Variants in SIPA1L3 observed in about 807,000 individuals in gnomAD.
SIPA1L3 encodes signal-induced proliferation-associated 1-like protein 3.
Under a neutral mutation model 150.1 loss-of-function variants are expected in SIPA1L3, and 59 were observed. The ratio of observed to expected loss-of-function variants is 0.39; its 90% CI spans 0.32 to 0.49. The LOEUF (loss-of-function observed/expected upper bound fraction) is 0.49. Ranked by LOEUF, SIPA1L3 falls within the 20% of genes least tolerant of loss-of-function variation. The pLI is 0.86. For missense variants in SIPA1L3, 2,211 were observed against 2,489.5 expected (o/e 0.89, Z 2.38); for synonymous variants, 1,070 against 1,077.6 (o/e 0.99, Z 0.14).
chr19:38,112,097 C>CATGCACACACA (rs1970773978), intron 8 of SIPA1L3, among the ~76,000 whole-genome samples: 6 of 147,818 alleles, frequency 4.1e-5, no homozygotes, highest in East Asian at 2.0e-4. Context: ...ATGCACACAC[C>CATGCACACACA]TACATGCACA....
At chr19:38,177,172 T>C (rs546865645) in intron 15 of SIPA1L3, among the ~76,000 whole-genome samples, 36 of 151,674 alleles carry the variant, frequency 2.4e-4, no homozygotes, top group South Asian at 2.3e-3. Context: ...CCACCCTGGC[T>C]AACACGGTGA....
intron 1 of SIPA1L3, among the ~76,000 whole-genome samples, chr19:37,970,157 A>C (rs7257838): frequency 0.053 from 8,083 of 152,268 alleles, 256 homozygotes; most frequent in East Asian, 0.11. Context: ...GTCTGGCCGG[A>C]AGTTTTTAAA....
intron 1 of SIPA1L3, among the ~76,000 whole-genome samples, chr19:37,914,055 C>G (rs1308256790): frequency 2.7e-5 from 4 of 149,578 alleles, no homozygotes; most frequent in Non-Finnish European, 5.9e-5. Context: ...AATCCTGATC[C>G]TGCCTCTTCA....
chr19:38,077,596 C>T (rs995356847), intron 2 of SIPA1L3, among the ~76,000 whole-genome samples: 2 of 151,242 alleles, frequency 1.3e-5, no homozygotes, highest in Admixed American at 6.6e-5. Flanking sequence ...GAAAATTCTT[C>T]CGATCATCTC....
chr19:38,100,629 C>T (rs908012052), intron 5 of SIPA1L3, among the ~76,000 whole-genome samples: 3 of 152,152 alleles, frequency 2.0e-5, no homozygotes, highest in African/African-American at 4.8e-5. Flanking sequence ...TCCGGGATAC[C>T]TAAAGCAAAC....
At position 38,082,156 on chromosome 19, in the gene SIPA1L3, C is replaced by T. The variant is rs929991091; in HGVS notation, c.591C>T (p.Pro197=). ...GGGCCCGGCACACGGGGGCGCTGCCCCTCTTCCGCGAGTACGGGAGCACCT... is the reference window on the plus strand; with the variant it reads ...GGGCCCGGCACACGGGGGCGCTGCCTCTCTTCCGCGAGTACGGGAGCACCT... ...PRGARHTGAL[P]LFREYGSTSS... Residue 197 remains proline, a synonymous_variant, in exon 3 of 22, where the codon CCC becomes CCT. Coordinates refer to ENST00000222345, the MANE Select transcript of SIPA1L3 (RefSeq NM_015073.3). 8.1e-6 allele frequency: 13 copies of T among 1,605,584 alleles called. No homozygotes were observed. The highest frequency in any genetic ancestry group is 1.1e-5 in the Non-Finnish European group (13 of 1,179,626).
intron 2 of SIPA1L3, among the ~76,000 whole-genome samples, chr19:38,073,656 C>G (rs978309708): frequency 6.6e-6 from 1 of 152,168 alleles, no homozygotes; most frequent in African/African-American, 2.4e-5. Flanking sequence ...AGAATGAACA[C>G]GAGGCCAGAG....
rs548117188 is a variant in SIPA1L3 at position 37,976,613 on chromosome 19, C to T, written c.-378-52476C>T. Among the ~76,000 whole-genome samples the T allele has an allele frequency of 1.2e-4, 19 of 152,040 alleles. 1 individual carries two copies. Among genetic ancestry groups the T allele is most frequent in the Non-Finnish European group, 2.2e-4 (15 of 67,986 alleles). On this transcript the variant is annotated intron_variant, in intron 1 of 21. Transcript: ENST00000222345. ...ATTGAAGAGCTTAGACACTGCAGCC[C>T]GCCTCCTGGGTGAGAATCCCAACCT...
intron 1 of SIPA1L3, among the ~76,000 whole-genome samples, chr19:37,965,317 G>GTTTTTTTTTTTTTTTT (rs566071263): frequency 1.5e-5 from 2 of 133,698 alleles, no homozygotes; most frequent in African/African-American, 5.5e-5. Context: ...TATATTTCTA[G>GTTTTTTTTTTTTTTTT]TTTTTTTTTT....
intron 10 of SIPA1L3, among the ~76,000 whole-genome samples, chr19:38,140,410 T>C (rs1971549187): frequency 1.3e-5 from 2 of 152,218 alleles, no homozygotes; most frequent in South Asian, 4.1e-4. Flanking sequence ...TTTTTTTTTT[T>C]TTTAACCACC....
chr19:38,046,583 A>C lies in SIPA1L3; in HGVS notation c.-311+17427A>C, dbSNP rs766351455. The stretch of plus-strand genomic sequence containing the variant: ...GCATGGCACAGGAAATGACTCCTTC[A>C]TAGGCTGAGAGTTTTGGGAGGCCCT... On this transcript the variant is annotated intron_variant, in intron 2 of 21. Coordinates refer to ENST00000222345, the MANE Select transcript of SIPA1L3 (RefSeq NM_015073.3). The surrounding 1 kb of genome is among the most constrained non-coding windows in gnomAD (Gnocchi z 5.6). 6.6e-6 allele frequency among the ~76,000 whole-genome samples: 1 copy of C among 152,232 alleles called. No individual in the cohort carries two copies. Among genetic ancestry groups the C allele is most frequent in the Admixed American group, 6.5e-5 (1 of 15,300 alleles).
At chr19:38,076,238 T>C (rs1969835516) in intron 2 of SIPA1L3, among the ~76,000 whole-genome samples, 3 of 152,192 alleles carry the variant, frequency 2.0e-5, no homozygotes, top group African/African-American at 4.8e-5. Flanking sequence ...CATTAGTCTA[T>C]TTTTCTATTT....
chr19:38,082,094 A>G lies in SIPA1L3; in HGVS notation c.529A>G (p.Ser177Gly), dbSNP rs1969999854. The change falls in exon 3 of 22, where the codon AGC becomes GGC. Residue 177 changes from serine to glycine, a missense_variant. By Grantham distance (56) the Ser-to-Gly change is moderately conservative (BLOSUM62 0). Around this residue, in one of 5 missense-constraint regions of SIPA1L3, gnomAD observed 587 missense variants for 534.5 expected, o/e 1.10. Transcript: ENST00000222345. ...RHRSSSEITLSECDAEDAGEP... is the reference protein window; with the variant it reads ...RHRSSSEITLGECDAEDAGEP... ...CCGCAGCAGCAGCGAGATCACCCTC[A>G]GCGAGTGTGACGCGGAGGACGCGGG... is the stretch of plus-strand genomic sequence containing the variant. The G allele has an allele frequency of 3.1e-6, 5 of 1,610,626 alleles. No homozygotes were observed. In the African/African-American group the frequency reaches 5.3e-5, roughly 17 times the overall value.
chr19:37,989,185 C>A (rs1381107356), intron 1 of SIPA1L3, among the ~76,000 whole-genome samples: 1 of 152,162 alleles, frequency 6.6e-6, no homozygotes, highest in African/African-American at 2.4e-5. Flanking sequence ...TCCCACGGAA[C>A]CTTCCTAACT....
rs200378161 is a variant in SIPA1L3, at chr19:38,101,058, C to T, written c.1861C>T (p.Arg621Trp). ...LLKLDEQGLC[R>W]KHKVGILYCK... ...GCCACTCTTGCCTCTGCAGCTCTGC[C>T]GGAAGCACAAGGTGGGCATCCTCTA... Residue 621 changes from arginine (R) to tryptophan (W), a missense_variant, in exon 6 of 22, where the codon CGG becomes TGG. Physicochemically the swap from Arg to Trp is moderately radical, Grantham distance 101 (BLOSUM62 -3). Around this residue, in one of 5 missense-constraint regions of SIPA1L3, gnomAD observed 625 missense variants for 804.2 expected, o/e 0.78. Coordinates refer to ENST00000222345, the MANE Select transcript of SIPA1L3 (RefSeq NM_015073.3). 61 of 1,557,646 alleles carry T rather than the reference C, an allele frequency of 3.9e-5. No individual in the cohort carries two copies. Among genetic ancestry groups the T allele is most frequent in the South Asian group, 7.3e-5 (6 of 82,734 alleles).
rs1973211623 is a variant in SIPA1L3 at position 38,206,289 on chromosome 19, C to A, written c.*49C>A. The stretch of plus-strand genomic sequence containing the variant: ...CGCTCCTTCCCCTCAGGCCGTGGCC[C>A]TGCTGCCTCTCTCCCTCCACTCAGC... On this transcript the variant is annotated 3_prime_UTR_variant, in exon 22 of 22. Transcript: ENST00000222345. The A allele has an allele frequency of 6.7e-7, 1 of 1,494,690 alleles. No homozygotes were observed. The highest frequency in any genetic ancestry group is 9.0e-7 in the Non-Finnish European group (1 of 1,114,162). 92.6% of individuals were successfully genotyped at this position (1,494,690 alleles called of 1,614,324 possible). A position where few individuals can be genotyped will look rare whatever the true frequency, so the allele number is the denominator to read the frequency against.
chr19:37,907,545 C>G (rs974981961), intron 1 of SIPA1L3, 187 bp downstream of exon 1: 3 of 152,252 alleles, frequency 2.0e-5, no homozygotes, highest in African/African-American at 7.2e-5. Context: ...ACTTTCCAGG[C>G]GTGCACCCCG....
chr19:38,203,867 C>T (rs771218034), intron 20 of SIPA1L3: 16 of 481,080 alleles, frequency 3.3e-5, no homozygotes, highest in African/African-American at 5.9e-5. Flanking sequence ...TCAGGGAAAA[C>T]GCACACTTAA....
chr19:38,030,635 T>C (rs1327745959), intron 2 of SIPA1L3, among the ~76,000 whole-genome samples: 9 of 23,584 alleles, frequency 3.8e-4, no homozygotes, highest in Admixed American at 2.0e-3. Flanking sequence ...TATATATATA[T>C]ATATATATAT....
Sources: allele counts gnomAD v4.1 joint callset (sites outside exome capture counted in the v4.1 genomes callset), GRCh38; gene constraint gnomAD v4.1.1; regional missense constraint gnomAD v4.1.1; non-coding constraint Gnocchi (gnomAD v3.1); transcripts MANE v1.5; gene names NCBI Gene and HGNC (gene_info 2026-07-23, HGNC 2026-07-21).